The following PITPNA variants were observed in gnomAD, a reference collection of about 807,000 sequenced individuals.
PITPNA encodes the protein phosphatidylinositol transfer protein alpha, also known as phosphatidylinositol transfer protein alpha isoform.
PITPNA carries 13 observed loss-of-function variants against 50.3 expected under a neutral mutation model. The observed-to-expected ratio is 0.26, with a 90% CI of 0.17 to 0.41. The LOEUF (loss-of-function observed/expected upper bound fraction) is 0.41. Ranked by LOEUF, PITPNA falls within the 10% of genes least tolerant of loss-of-function variation. The pLI is 1.00. For synonymous variants in PITPNA, 120 were observed against 119.6 expected (o/e 1.00, Z -0.02); for missense variants, 207 against 333.4 (o/e 0.62, Z 2.95).
At chr17:1,526,986 G>T (rs1329207386) in intron 10 of PITPNA, among the ~76,000 whole-genome samples, 1 of 152,072 alleles carries the variant, frequency 6.6e-6, no homozygotes, top group Non-Finnish European at 1.5e-5. Flanking sequence ...TCGAACTCCT[G>T]ACCTCAGATG....
At chr17:1,535,734 T>C (rs921355583) in intron 7 of PITPNA, 2 of 569,308 alleles carry the variant, frequency 3.5e-6, no homozygotes, top group Non-Finnish European at 6.3e-6. Context: ...TTGTTTTCCA[T>C]TTTGCCAGTG....
rs1171619616 is a variant in PITPNA at position 1,541,611 on chromosome 17, A to C, written c.327T>G (p.Ile109Met). Reference sequence around the variant, plus strand: ...CTGGTTTGTGCCAGGTTTCAATTTTAATCAGAAAGTCTTCTTTCATGTACT... The same window carrying C: ...CTGGTTTGTGCCAGGTTTCAATTTTCATCAGAAAGTCTTCTTTCATGTACT... ...TNEYMKEDFL[I>M]KIETWHKPDL... Residue 109 changes from isoleucine to methionine, a missense_variant, in exon 6 of 12, where the codon ATT becomes ATG. Ile to Met is a conservative substitution (Grantham distance 10). Transcript: ENST00000313486. 6.2e-7 allele frequency: 1 copy of C among 1,613,014 alleles called. No individual in the cohort carries two copies. Among genetic ancestry groups the C allele is most frequent in the African/African-American group, 1.3e-5 (1 of 74,904 alleles).
Position 1,519,043 on chromosome 17 carries a change from G to C in PITPNA, c.*1518C>G, listed in dbSNP as rs2075492182. On this transcript the variant is annotated 3_prime_UTR_variant, in exon 12 of 12. Transcript: ENST00000313486. ...TCTGAGTCTGTCCACCCTTGCCCCA[G>C]GAGGGCCACAGGGAAGCATCCATCA... The C allele has an allele frequency of 6.6e-6, 1 of 152,002 alleles. No homozygotes were observed. The allele number at this position is 152,002 out of a possible 1,614,324, so 9.4% of individuals were successfully genotyped here.
intron 5 of PITPNA, 139 bp from the exon 6 acceptor site, chr17:1,541,779 T>G: frequency 2.8e-6 from 2 of 717,348 alleles, no homozygotes; most frequent in Non-Finnish European, 2.6e-6. Flanking sequence ...ACAGTTAACT[T>G]GACTGGGAGC....
At chr17:1,528,120 G>A (rs577437731) in intron 10 of PITPNA, among the ~76,000 whole-genome samples, 13 of 152,272 alleles carry the variant, frequency 8.5e-5, no homozygotes, top group African/African-American at 2.9e-4. Flanking sequence ...GAATCCAAGC[G>A]TTTCAGGCTG....
At chr17:1,541,957 T>C (rs1022970393) in intron 5 of PITPNA, among the ~76,000 whole-genome samples, 1 of 151,876 alleles carries the variant, frequency 6.6e-6, no homozygotes, top group South Asian at 2.1e-4. Flanking sequence ...CTCAGCACTT[T>C]GGGAGGCCGA....
intron 10 of PITPNA, among the ~76,000 whole-genome samples, chr17:1,532,865 A>G (rs2075592888): frequency 6.6e-6 from 1 of 152,256 alleles, no homozygotes; most frequent in Non-Finnish European, 1.5e-5. Context: ...TCTGTCTTCA[A>G]GAGGAACCAA....
At chr17:1,558,257 A>T (rs2075748628) in intron 2 of PITPNA, among the ~76,000 whole-genome samples, 1 of 146,312 alleles carries the variant, frequency 6.8e-6, no homozygotes, top group African/African-American at 2.5e-5. Context: ...AAGGGTCCCC[A>T]GACATGCACA....
intron 10 of PITPNA, among the ~76,000 whole-genome samples, chr17:1,529,881 G>A (rs982277727): frequency 6.7e-6 from 1 of 150,350 alleles, no homozygotes; most frequent in Non-Finnish European, 1.5e-5. Context: ...AAGAAAACAA[G>A]TTTTCTTAAC....
In PITPNA at chr17:1,543,463, C is replaced by A. The variant is rs1033588973; in HGVS notation, c.290-436G>T. On this transcript the variant is annotated intron_variant, in intron 4 of 11. Transcript: ENST00000313486. ...TATCTGCCTCCTGCACCCTTCCTCT[C>A]GCTGTAATCAAACCTCCCAGGCTCT... 2.1e-4 allele frequency among the ~76,000 whole-genome samples: 32 copies of A among 152,164 alleles called. 1 individual carries two copies. Among genetic ancestry groups the A allele is most frequent in the African/African-American group, 7.7e-4 (32 of 41,430 alleles).
intron 2 of PITPNA, among the ~76,000 whole-genome samples, chr17:1,557,789 T>C (rs1598414811): frequency 6.6e-6 from 1 of 152,166 alleles, no homozygotes; most frequent in East Asian, 1.9e-4. Context: ...TTCTGTGTCT[T>C]GGTCTTTCCA....
chr17:1,551,315 G>A (rs2075708098), intron 3 of PITPNA, among the ~76,000 whole-genome samples: 1 of 149,040 alleles, frequency 6.7e-6, no homozygotes. Context: ...AGAGACAGGC[G>A]GGATCTCATT....
At chr17:1,526,707 C>T (rs187749161) in intron 10 of PITPNA, among the ~76,000 whole-genome samples, 1 of 152,278 alleles carries the variant, frequency 6.6e-6, no homozygotes, top group Non-Finnish European at 1.5e-5. Flanking sequence ...TGATAGCTTC[C>T]CCTACTGTCA....
intron 10 of PITPNA, among the ~76,000 whole-genome samples, chr17:1,525,270 G>A (rs980618038): frequency 2.0e-5 from 3 of 152,022 alleles, no homozygotes; most frequent in African/African-American, 7.3e-5. Context: ...TTACAAACAT[G>A]AGCCACCACA....
chr17:1,542,726 C>T (rs1026506606), intron 5 of PITPNA, among the ~76,000 whole-genome samples: 1 of 152,196 alleles, frequency 6.6e-6, no homozygotes, highest in Non-Finnish European at 1.5e-5. Context: ...GAATGGAGCT[C>T]TCTCTACAAC....
chr17:1,529,178 G>A (rs1332765707), intron 10 of PITPNA, among the ~76,000 whole-genome samples: 3 of 138,760 alleles, frequency 2.2e-5, no homozygotes, highest in African/African-American at 8.1e-5. Context: ...ACTCCATGAG[G>A]GCAGTGTCAT....
At chr17:1,546,279 C>T (rs1421759074) in intron 4 of PITPNA, among the ~76,000 whole-genome samples, 1 of 151,970 alleles carries the variant, frequency 6.6e-6, no homozygotes, top group Non-Finnish European at 1.5e-5. Context: ...ATCTAACTTC[C>T]AGCCCAGTGC....
At chr17:1,522,069 ATCT>A (rs2075516945) in intron 10 of PITPNA, among the ~76,000 whole-genome samples, 1 of 144,474 alleles carries the variant, frequency 6.9e-6, no homozygotes, top group Non-Finnish European at 1.5e-5. Context: ...CTTATGAAAC[ATCT>A]TTTTTTTTTT....
intron 10 of PITPNA, among the ~76,000 whole-genome samples, chr17:1,522,013 GCCA>G (rs948738892): frequency 6.6e-6 from 1 of 151,008 alleles, no homozygotes; most frequent in African/African-American, 2.4e-5. Flanking sequence ...ATAGGTGTGA[GCCA>G]CCACACTTGG....
Sources: allele counts gnomAD v4.1 joint callset (sites outside exome capture counted in the v4.1 genomes callset), GRCh38; gene constraint gnomAD v4.1.1; transcripts MANE v1.5; gene names NCBI Gene and HGNC (gene_info 2026-07-23, HGNC 2026-07-21).